PTPN2: variants seen among roughly 807,000 people sequenced by gnomAD.
PTPN2 encodes tyrosine-protein phosphatase non-receptor type 2.
Under a neutral mutation model 57.3 loss-of-function variants are expected in PTPN2, and 19 were observed. That is an observed-to-expected ratio of 0.33 (90% CI 0.23 to 0.49). The LOEUF (loss-of-function observed/expected upper bound fraction) is 0.49, where lower values mean the gene tolerates loss of function less well. PTPN2 is among the 20% of genes least tolerant of loss of function. The pLI, the probability that PTPN2 is intolerant of heterozygous loss-of-function variation, is 0.99. For synonymous variants in PTPN2, 153 were observed against 164.9 expected (o/e 0.93, Z 0.55); for missense variants, 358 against 501.1 (o/e 0.71, Z 2.73).
intron 1 of PTPN2, chr18:12,883,722 A>G (rs1310169333): frequency 1.5e-4 from 31 of 200,562 alleles, no homozygotes; most frequent in Non-Finnish European, 2.8e-4. Context: ...CGCGCGCCCG[A>G]GCGCCCCCAC....
At chr18:12,785,725 G>T in exon 10 of PTPN2, 2 of 1,096,688 alleles carry the variant, frequency 1.8e-6, no homozygotes, top group Non-Finnish European at 2.8e-6. Context: ...TAGAGGGTTA[G>T]CGAGCCTCAC....
chr18:12,808,300 C>T (rs1052774087), intron 7 of PTPN2, among the ~76,000 whole-genome samples: 5 of 140,544 alleles, frequency 3.6e-5, no homozygotes, highest in Non-Finnish European at 8.0e-5. Context: ...AATATATTAG[C>T]ACATAATAAT....
chr18:12,830,835 C>A, intron 4 of PTPN2, 108 bp downstream of exon 4: 5 of 769,904 alleles, frequency 6.5e-6, no homozygotes, highest in Middle Eastern at 4.1e-4. Context: ...TAGCCTTTAG[C>A]AATTAAAGGC....
chr18:12,800,746 A>G (rs2041387461), intron 8 of PTPN2, among the ~76,000 whole-genome samples: 1 of 152,234 alleles, frequency 6.6e-6, no homozygotes, highest in African/African-American at 2.4e-5. Context: ...CATGATAAGA[A>G]GTATATTTGG....
At chr18:12,786,775 A>G (rs2040854472) in intron 9 of PTPN2, 2 of 152,240 alleles carry the variant, frequency 1.3e-5, no homozygotes, top group Non-Finnish European at 2.9e-5. Flanking sequence ...TACTCCCTTT[A>G]AAGACAGGGC....
At chr18:12,847,931 T>C (rs1164251271) in intron 2 of PTPN2, among the ~76,000 whole-genome samples, 5 of 144,016 alleles carry the variant, frequency 3.5e-5, no homozygotes, top group Admixed American at 1.4e-4. Context: ...AAAAAAAAAA[T>C]TGAAGATAGA....
At chr18:12,830,140 C>T (rs1192012129) in intron 4 of PTPN2, among the ~76,000 whole-genome samples, 3 of 150,998 alleles carry the variant, frequency 2.0e-5, no homozygotes, top group Non-Finnish European at 4.4e-5. Context: ...TCTCACTCTA[C>T]CGCCCAGGCT....
At chr18:12,815,331 G>C (rs956665132) in intron 6 of PTPN2, among the ~76,000 whole-genome samples, 1 of 151,832 alleles carries the variant, frequency 6.6e-6, no homozygotes, top group Non-Finnish European at 1.5e-5. Flanking sequence ...AGAATCTCTT[G>C]AACCCGGGAG....
intron 1 of PTPN2, among the ~76,000 whole-genome samples, chr18:12,877,423 A>G (rs1214624261): frequency 6.6e-6 from 1 of 152,240 alleles, no homozygotes; most frequent in Non-Finnish European, 1.5e-5. Context: ...GGCATGGAGT[A>G]TATCCAACAC....
intron 1 of PTPN2, among the ~76,000 whole-genome samples, chr18:12,870,411 A>G (rs1191497946): frequency 3.7e-5 from 3 of 80,926 alleles, no homozygotes; most frequent in South Asian, 3.4e-4. Flanking sequence ...ACACGTATAT[A>G]TATGTATATA....
intron 6 of PTPN2, among the ~76,000 whole-genome samples, chr18:12,815,827 C>T (rs543419453): frequency 6.6e-6 from 1 of 152,290 alleles, no homozygotes; most frequent in South Asian, 2.1e-4. Context: ...CTCCATTGAT[C>T]AAGCTCCTTG....
At chr18:12,865,842 A>C (rs1365135140) in intron 1 of PTPN2, among the ~76,000 whole-genome samples, 1 of 152,050 alleles carries the variant, frequency 6.6e-6, no homozygotes, top group Non-Finnish European at 1.5e-5. Flanking sequence ...CAAAAAACTA[A>C]AGGTTAAAAT....
intron 3 of PTPN2, among the ~76,000 whole-genome samples, chr18:12,833,269 C>T (rs191092612): frequency 2.2e-4 from 33 of 152,296 alleles, no homozygotes; most frequent in African/African-American, 7.9e-4. Context: ...CTACAAAGGA[C>T]AATCAGAAGA....
intron 8 of PTPN2, among the ~76,000 whole-genome samples, chr18:12,797,738 A>G (rs2041246867): frequency 6.6e-6 from 1 of 152,088 alleles, no homozygotes; most frequent in Non-Finnish European, 1.5e-5. Context: ...GCAATTTAGG[A>G]TATTAACCAA....
intron 6 of PTPN2, 23 bp from the exon 7 acceptor site, chr18:12,814,378 G>A: frequency 6.4e-7 from 1 of 1,563,928 alleles, no homozygotes; most frequent in Non-Finnish European, 8.6e-7. Flanking sequence ...CAAAAAATGA[G>A]ACAAGTCTTG....
chr18:12,857,317 A>C (rs1343439355), intron 2 of PTPN2, among the ~76,000 whole-genome samples: 1 of 152,066 alleles, frequency 6.6e-6, no homozygotes, highest in Non-Finnish European at 1.5e-5. Context: ...CACGTGATAA[A>C]ACTGCACAGA....
chr18:12,852,047 G>A (rs2145446738), intron 2 of PTPN2, among the ~76,000 whole-genome samples: 1 of 152,232 alleles, frequency 6.6e-6, no homozygotes, highest in African/African-American at 2.4e-5. Context: ...GCTGGGGGAA[G>A]AGGAAGATAG....
In PTPN2 at chr18:12,793,564, A is replaced by G; in HGVS notation, c.*714T>C. The G allele has an allele frequency of 1.0e-6, 1 of 979,460 alleles. No homozygotes were observed. Among genetic ancestry groups the G allele is most frequent in the Non-Finnish European group, 1.2e-6 (1 of 824,048 alleles). The allele number at this position is 979,460 out of a possible 1,614,324, so 60.7% of individuals were successfully genotyped here. On this transcript the variant is annotated 3_prime_UTR_variant, in exon 9 of 9. Transcript: ENST00000309660. ...TTTCTTTGTTTGCTTTTCTTTTTAA[A>G]ATGGGGAAAACTGTAAAACATAAAA...
chr18:12,859,341 A>C, intron 1 of PTPN2, 87 bp from the exon 2 acceptor site: 1 of 868,878 alleles, frequency 1.2e-6, no homozygotes, highest in South Asian at 1.6e-5. Flanking sequence ...AATAACATGA[A>C]GCACTTATGA....
Sources: gnomAD v4.1 joint callset for allele counts (sites outside exome capture counted in the v4.1 genomes callset) on GRCh38, gnomAD v4.1.1 for gene constraint, MANE v1.5 for transcripts, NCBI Gene and HGNC (gene_info 2026-07-23, HGNC 2026-07-21) for gene names.